The following NECTIN2 variants were observed in gnomAD, a reference collection of about 807,000 sequenced individuals.
The protein encoded by NECTIN2 is nectin-2.
A neutral mutation model predicts 56.9 loss-of-function variants in NECTIN2; 23 were observed. The observed-to-expected ratio is 0.40, with a 90% confidence interval of 0.29 to 0.57. The LOEUF is 0.57. Ranked by LOEUF, NECTIN2 falls within the 20% of genes least tolerant of loss-of-function variation. The pLI is 0.38. For synonymous variants in NECTIN2, 302 were observed against 313.8 expected (o/e 0.96, Z 0.40); for missense variants, 587 against 718.3 (o/e 0.82, Z 2.09).
intron 2 of NECTIN2, among the ~76,000 whole-genome samples, chr19:44,870,272 C>T (rs1332310556): frequency 2.6e-5 from 4 of 152,000 alleles, no homozygotes; most frequent in Non-Finnish European, 1.5e-5. Flanking sequence ...GTGGTGGGCT[C>T]GGGCCCTGAG....
At chr19:44,872,291 A>G (rs1297487599) in intron 3 of NECTIN2, 142 bp downstream of exon 3, 2 of 860,560 alleles carry the variant, frequency 2.3e-6, no homozygotes, top group Non-Finnish European at 3.5e-6. Context: ...CATTGTCTAC[A>G]CTGGCTCCCA....
chr19:44,882,419 A>T, intron 6 of NECTIN2, 55 bp downstream of exon 6: 5 of 1,313,948 alleles, frequency 3.8e-6, no homozygotes, highest in South Asian at 2.0e-5. Context: ...ACTGAGGAGT[A>T]TGGGGTAGGG....
chr19:44,885,188 G>C (rs999632404), intron 6 of NECTIN2, among the ~76,000 whole-genome samples: 1 of 150,814 alleles, frequency 6.6e-6, no homozygotes, highest in African/African-American at 2.4e-5. Flanking sequence ...TAGGGACAGG[G>C]TTTCTCCATG....
chr19:44,882,032 G>C, intron 5 of NECTIN2, 179 bp from the exon 6 acceptor site: 6 of 448,816 alleles, frequency 1.3e-5, no homozygotes, highest in Non-Finnish European at 2.2e-5. Flanking sequence ...TCTCCCATGC[G>C]GGGCACACAT....
In NECTIN2 at chr19:44,873,962, C is replaced by T. The variant is rs764175486; in HGVS notation, c.822C>T (p.Leu274=). 57 of 1,613,988 alleles carry T rather than the reference C, an allele frequency of 3.5e-5. No individual in the cohort carries two copies. In the Middle Eastern group the frequency reaches 4.9e-4, roughly 14 times the overall value. The change falls in exon 4 of 9, where the codon CTC becomes CTT. Residue 274 remains leucine (L), a synonymous_variant. Coordinates refer to ENST00000252483, the MANE Select transcript of NECTIN2 (RefSeq NM_001042724.2). ...CCGGCTATGATGACAACTGGTACCT[C>T]GGCCGTACTGATGCCACCCTGAGCT... ...SISGYDDNWY[L]GRTDATLSCD...
chr19:44,872,359 A>G (rs965637126), intron 3 of NECTIN2, among the ~76,000 whole-genome samples: 1 of 152,062 alleles, frequency 6.6e-6, no homozygotes, highest in African/African-American at 2.4e-5. Flanking sequence ...GGGTTCCTGC[A>G]TGCTGTGCCT....
At chr19:44,873,828 T>C (rs1251199261) in intron 3 of NECTIN2, 88 bp from the exon 4 acceptor site, 1 of 1,005,628 alleles carries the variant, frequency 9.9e-7, no homozygotes, top group East Asian at 2.4e-5. Flanking sequence ...ACCCGCCCCG[T>C]TTCTTTAGCA....
intron 1 of NECTIN2, among the ~76,000 whole-genome samples, chr19:44,850,442 C>T (rs1020508518): frequency 2.0e-5 from 3 of 151,864 alleles, no homozygotes; most frequent in Non-Finnish European, 4.4e-5. Context: ...CTCAGGAGTT[C>T]GAGACCAGCC....
At chr19:44,877,754 CACCAGGGTCCTGGCCAGTG>C (rs1479417091) in intron 5 of NECTIN2, among the ~76,000 whole-genome samples, 1 of 152,310 alleles carries the variant, frequency 6.6e-6, no homozygotes, top group East Asian at 1.9e-4. Flanking sequence ...AGTCAGATGG[CACCAGGGTCCTGGCCAGTG>C]ACCGGGCGGC....
At chr19:44,852,113 C>A (rs1156986145) in intron 1 of NECTIN2, among the ~76,000 whole-genome samples, 4 of 151,494 alleles carry the variant, frequency 2.6e-5, no homozygotes, top group Non-Finnish European at 4.4e-5. Context: ...TTTCTTTTTT[C>A]TTTTTTTTCT....
In NECTIN2 at chr19:44,888,387, T is replaced by C; in HGVS notation, c.*8T>C. 1 of 1,605,942 alleles carries C rather than the reference T, an allele frequency of 6.2e-7. No homozygotes were observed. Among genetic ancestry groups the C allele is most frequent in the Non-Finnish European group, 8.5e-7 (1 of 1,173,352 alleles). On this transcript the variant is annotated 3_prime_UTR_variant, in exon 9 of 9. Coordinates refer to ENST00000252483, the MANE Select transcript of NECTIN2 (RefSeq NM_001042724.2). ...CGGGCCATGTATGTGTGAGCTGCCA[T>C]GCGCCTGGCGTCTCACATCTCACCT...
intron 6 of NECTIN2, among the ~76,000 whole-genome samples, chr19:44,884,878 G>C (rs1265479407): frequency 1.3e-5 from 2 of 152,192 alleles, no homozygotes. Flanking sequence ...TGAGGGACAG[G>C]AAGGCACTTC....
intron 2 of NECTIN2, among the ~76,000 whole-genome samples, chr19:44,870,715 GCTTTTTTTTTTTC>G (rs1022307061): frequency 6.1e-5 from 9 of 148,582 alleles, no homozygotes; most frequent in African/African-American, 2.0e-4. Flanking sequence ...GCCTTGATTT[GCTTTTTTTTTTTC>G]CTTTTTTTTT....
At chr19:44,868,905 C>T (rs1368209546) in intron 2 of NECTIN2, among the ~76,000 whole-genome samples, 1 of 138,892 alleles carries the variant, frequency 7.2e-6, no homozygotes. Context: ...GAGTGAGACT[C>T]TGTCTGGAAA....
chr19:44,858,733 C>T (rs1395258690), intron 1 of NECTIN2, among the ~76,000 whole-genome samples: 1 of 151,812 alleles, frequency 6.6e-6, no homozygotes, highest in Non-Finnish European at 1.5e-5. Context: ...ACCTCCACCT[C>T]CCGGGTTCAA....
At chr19:44,866,143 C>G (rs1056622192) in intron 2 of NECTIN2, among the ~76,000 whole-genome samples, 2 of 151,274 alleles carry the variant, frequency 1.3e-5, no homozygotes, top group Non-Finnish European at 2.9e-5. Context: ...CCACTGCACT[C>G]TAGTCTGGGT....
In NECTIN2 at chr19:44,875,268, C is replaced by CTTT. The variant is rs57907894; in HGVS notation, c.1042+803_1042+805dup. On this transcript the variant is annotated intron_variant, in intron 5 of 8. Coordinates refer to ENST00000252483, the MANE Select transcript of NECTIN2 (RefSeq NM_001042724.2). The surrounding 1 kb of genome is among the most constrained non-coding windows in gnomAD (Gnocchi z 4.2). Reference sequence around the variant, plus strand: ...CAGATGACACCTGGAAAGGGACATTCTTTTTTTTTTTTTTTGAGATGGAGT... The same window carrying CTTT: ...CAGATGACACCTGGAAAGGGACATTCTTTTTTTTTTTTTTTTTTGAGATGGAGT... 3.6e-4 allele frequency among the ~76,000 whole-genome samples: 51 copies of CTTT among 143,376 alleles called. No homozygotes were observed. Among genetic ancestry groups the CTTT allele is most frequent in the African/African-American group, 1.3e-3 (49 of 39,004 alleles). The allele number at this position is 143,376 out of a possible 152,430, so 94.1% of individuals were successfully genotyped here.
At chr19:44,857,003 G>A (rs1205751497) in intron 1 of NECTIN2, among the ~76,000 whole-genome samples, 1 of 152,186 alleles carries the variant, frequency 6.6e-6, no homozygotes, top group South Asian at 2.1e-4. Flanking sequence ...CCCTGGAACT[G>A]GCACAAGGGA....
chr19:44,851,868 C>A (rs936206263), intron 1 of NECTIN2, among the ~76,000 whole-genome samples: 3 of 152,342 alleles, frequency 2.0e-5, no homozygotes, highest in Non-Finnish European at 4.4e-5. Flanking sequence ...TCCCTTGCCT[C>A]CACCTGACAT....
Sources: gnomAD v4.1 joint callset for allele counts (sites outside exome capture counted in the v4.1 genomes callset) on GRCh38, gnomAD v4.1.1 for gene constraint, Gnocchi (gnomAD v3.1) non-coding constraint, MANE v1.5 for transcripts, NCBI Gene and HGNC (gene_info 2026-07-23, HGNC 2026-07-21) for gene names.